ZC2HC1B: variants seen among roughly 807,000 people sequenced by gnomAD.
ZC2HC1B encodes the protein zinc finger C2HC-type containing 1B.
Under a neutral mutation model 31.0 loss-of-function variants are expected in ZC2HC1B, and 36 were observed. The observed-to-expected ratio is 1.16, with a 90% confidence interval of 0.89 to 1.54. ZC2HC1B has a LOEUF of 1.54. Ranked by LOEUF, ZC2HC1B falls within the 40% of genes most tolerant of loss-of-function variation. ZC2HC1B has a pLI of 0.00. For synonymous variants in ZC2HC1B, 73 were observed against 88.0 expected, an observed-to-expected ratio of 0.83 and a Z score of 0.95; for missense variants, 260 against 268.6, an observed-to-expected ratio of 0.97 and a Z score of 0.22.
intron 5 of ZC2HC1B, among the ~76,000 whole-genome samples, chr6:143,902,212 G>A (rs565560242): frequency 1.7e-3 from 254 of 152,278 alleles, no homozygotes; most frequent in South Asian, 0.011. Context: ...TTGTCTAATA[G>A]TGAAGCTTAT....
In ZC2HC1B at chr6:143,886,557, A is replaced by G; in HGVS notation, c.211-126A>G. ...CCTCTTTAAGGAGTACTTTTGAAAAACAAACTCTCCTTTTCCCCAATTTTC... is the reference window on the plus strand; with the variant it reads ...CCTCTTTAAGGAGTACTTTTGAAAAGCAAACTCTCCTTTTCCCCAATTTTC... On this transcript the variant is annotated intron_variant, in intron 3 of 7. Transcript: ENST00000237275. The surrounding 1 kb of genome is among the most constrained non-coding windows in gnomAD (Gnocchi z 4.2). The G allele has an allele frequency of 5.7e-6, 6 of 1,043,694 alleles. No individual in the cohort carries two copies. The highest frequency in any genetic ancestry group is 6.0e-5 in the South Asian group (2 of 33,324). The allele number at this position is 1,043,694 out of a possible 1,614,324, so 64.7% of individuals were successfully genotyped here.
rs532125742 is a variant in ZC2HC1B at position 143,906,989 on chromosome 6, T to G, written c.598+3837T>G. On this transcript the variant is annotated intron_variant, in intron 6 of 7. Coordinates refer to ENST00000237275, the MANE Select transcript of ZC2HC1B (RefSeq NM_001013623.3). ...TTGTTCTCCACTATGTGTCCATGTT[T>G]TCTCATCATCCAGCTCCCACTTATA... Among the ~76,000 whole-genome samples, 4 of 152,288 alleles carry G rather than the reference T, an allele frequency of 2.6e-5. No individual in the cohort carries two copies. The South Asian group carries it at 8.3e-4, about 32-fold the overall frequency.
At chr6:143,910,270 G>A (rs1206421972) in intron 6 of ZC2HC1B, among the ~76,000 whole-genome samples, 1 of 152,134 alleles carries the variant, frequency 6.6e-6, no homozygotes, top group Non-Finnish European at 1.5e-5. Context: ...TGTGATGTGT[G>A]TTTTTGAGTG....
rs1778003321 is a variant in ZC2HC1B at position 143,923,446 on chromosome 6, T to G, written c.599-14203T>G. Among the ~76,000 whole-genome samples, 1 of 152,164 alleles carries G rather than the reference T, an allele frequency of 6.6e-6. No homozygotes were observed. The highest frequency in any genetic ancestry group is 2.4e-5 in the African/African-American group (1 of 41,442). ...ATTGCTTCCTTTGCTGCATAGAAGC[T>G]TTTTAGTTTATATAGTCCCATTTGT... is the stretch of plus-strand genomic sequence containing the variant. On this transcript the variant is annotated intron_variant, in intron 6 of 7. Coordinates refer to ENST00000237275, the MANE Select transcript of ZC2HC1B (RefSeq NM_001013623.3). The surrounding 1 kb of genome is among the most constrained non-coding windows in gnomAD (Gnocchi z 4.8).
rs577383917 is a variant in ZC2HC1B, at chr6:143,933,133, C to T, written c.599-4516C>T. 6.9e-4 allele frequency among the ~76,000 whole-genome samples: 105 copies of T among 152,294 alleles called. No homozygotes were observed. Among genetic ancestry groups the T allele is most frequent in the African/African-American group, 2.3e-3 (97 of 41,552 alleles). On this transcript the variant is annotated intron_variant, in intron 6 of 7. Transcript: ENST00000237275. The surrounding 1 kb of genome is among the most constrained non-coding windows in gnomAD (Gnocchi z 6.4). ...TCTTGAATGCTGGTTATGCTAGCAG[C>T]GAAGTTGTCATGTGGACAGACTCGG...
chr6:143,864,570 G>C lies in ZC2HC1B; in HGVS notation c.28+3G>C, dbSNP rs1464989635. On this transcript the variant is annotated splice_donor_region_variant and intron_variant, in intron 1 of 7. Coordinates refer to ENST00000237275, the MANE Select transcript of ZC2HC1B (RefSeq NM_001013623.3). ...TGGGGCAGAACCATTTTTGGCAGGTGAGCTGCACTTGATATCTAAATTATT... is the reference window on the plus strand; with the variant it reads ...TGGGGCAGAACCATTTTTGGCAGGTCAGCTGCACTTGATATCTAAATTATT... 1 of 1,551,560 alleles carries C rather than the reference G, an allele frequency of 6.4e-7. No homozygotes were observed. The highest frequency in any genetic ancestry group is 2.4e-5 in the East Asian group (1 of 40,908).
Position 143,921,282 on chromosome 6 carries a change from T to C in ZC2HC1B, c.599-16367T>C, listed in dbSNP as rs551896035. 6.6e-6 allele frequency among the ~76,000 whole-genome samples: 1 copy of C among 152,342 alleles called. No homozygotes were observed. The highest frequency in any genetic ancestry group is 1.9e-4 in the East Asian group (1 of 5,182). On this transcript the variant is annotated intron_variant, in intron 6 of 7. Transcript: ENST00000237275. This position sits in a 1 kb window ranked among gnomAD's most constrained non-coding sequence, Gnocchi z 6.1. ...CCTTTGTAATTATTTCCACATAGCA[T>C]TTATCACCATCTAATATTCAATATA...
chr6:143,917,846 T>C lies in ZC2HC1B; in HGVS notation c.598+14694T>C, dbSNP rs1777936447. ...TACATTTGGTCTCTTAAATTATGTA[T>C]AAAACAAAACGTGGAGTTACAAACC... On this transcript the variant is annotated intron_variant, in intron 6 of 7. Coordinates refer to ENST00000237275, the MANE Select transcript of ZC2HC1B (RefSeq NM_001013623.3). The surrounding 1 kb of genome is among the most constrained non-coding windows in gnomAD (Gnocchi z 4.1). Among the ~76,000 whole-genome samples, 1 of 152,222 alleles carries C rather than the reference T, an allele frequency of 6.6e-6. No individual in the cohort carries two copies. The highest frequency in any genetic ancestry group is 2.1e-4 in the South Asian group (1 of 4,834).
rs545467491 is a variant in ZC2HC1B, at chr6:143,889,496, A to T, written c.349+2675A>T. Reference sequence around the variant, plus strand: ...GACACAAATAAGAGCACGGGAAAAGATATACATGCAGACAATAATCATAAA... The same window carrying T: ...GACACAAATAAGAGCACGGGAAAAGTTATACATGCAGACAATAATCATAAA... On this transcript the variant is annotated intron_variant, in intron 4 of 7. Coordinates refer to ENST00000237275, the MANE Select transcript of ZC2HC1B (RefSeq NM_001013623.3). 9.9e-5 allele frequency among the ~76,000 whole-genome samples: 15 copies of T among 152,092 alleles called. No individual in the cohort carries two copies. In the South Asian group the frequency reaches 3.1e-3, roughly 32 times the overall value.
At position 143,884,433 on chromosome 6, in the gene ZC2HC1B, G is replaced by A; in HGVS notation, c.90+68G>A. 7.0e-7 allele frequency: 1 copy of A among 1,421,780 alleles called. No homozygotes were observed. The highest frequency in any genetic ancestry group is 9.6e-7 in the Non-Finnish European group (1 of 1,045,000). 88.1% of individuals were successfully genotyped at this position (1,421,780 alleles called of 1,614,324 possible). On this transcript the variant is annotated intron_variant, in intron 2 of 7. Coordinates refer to ENST00000237275, the MANE Select transcript of ZC2HC1B (RefSeq NM_001013623.3). This position sits in a 1 kb window ranked among gnomAD's most constrained non-coding sequence, Gnocchi z 5.1. The stretch of plus-strand genomic sequence containing the variant: ...AATGAACTGTCAAGTCAGTGAGGAG[G>A]CGGCAGTGCAAAGATTAAAGACAGA...
chr6:143,873,078 C>G (rs1019913635), intron 1 of ZC2HC1B, among the ~76,000 whole-genome samples: 5 of 152,142 alleles, frequency 3.3e-5, no homozygotes, highest in African/African-American at 1.2e-4. Context: ...AAATCAAAAG[C>G]AAGCTAGTTA....
At chr6:143,888,727 A>G (rs1777562455) in intron 4 of ZC2HC1B, among the ~76,000 whole-genome samples, 1 of 151,944 alleles carries the variant, frequency 6.6e-6, no homozygotes, top group African/African-American at 2.4e-5. Context: ...GGATCTTTGT[A>G]TGTTGACTTT....
chr6:143,937,844 T>C (rs1003487486), intron 7 of ZC2HC1B, 111 bp downstream of exon 7: 7 of 732,114 alleles, frequency 9.6e-6, no homozygotes, highest in African/African-American at 1.8e-5. Flanking sequence ...AACTCCAAGT[T>C]GGGTTAACAA....
chr6:143,906,927 C>T (rs1777802132), intron 6 of ZC2HC1B, among the ~76,000 whole-genome samples: 2 of 152,150 alleles, frequency 1.3e-5, no homozygotes, highest in African/African-American at 2.4e-5. Flanking sequence ...CATGCTCTCC[C>T]TCCTTCCCCC....
rs1215651845 is a variant in ZC2HC1B, at chr6:143,871,248, A to T, written c.28+6681A>T. 6.6e-6 allele frequency among the ~76,000 whole-genome samples: 1 copy of T among 152,210 alleles called. No homozygotes were observed. The highest frequency in any genetic ancestry group is 1.5e-5 in the Non-Finnish European group (1 of 68,028). ...CTTGCTCACTGGATCCAGTCAGCAT[A>T]ATGTCATCAATGTAATGGACCAGTG... On this transcript the variant is annotated intron_variant, in intron 1 of 7. Transcript: ENST00000237275. The surrounding 1 kb of genome is among the most constrained non-coding windows in gnomAD (Gnocchi z 4.1).
Position 143,872,200 on chromosome 6 carries a change from C to T in ZC2HC1B, c.28+7633C>T, listed in dbSNP as rs922926713. Reference sequence around the variant, plus strand: ...AAGGGGACCCGGCCTCCCCTTCATTCAAGCAGCTCTGGGTTCGTAAACTGG... The same window carrying T: ...AAGGGGACCCGGCCTCCCCTTCATTTAAGCAGCTCTGGGTTCGTAAACTGG... On this transcript the variant is annotated intron_variant, in intron 1 of 7. Transcript: ENST00000237275. The surrounding 1 kb of genome is among the most constrained non-coding windows in gnomAD (Gnocchi z 5.5). Among the ~76,000 whole-genome samples, 9 of 152,174 alleles carry T rather than the reference C, an allele frequency of 5.9e-5. No individual in the cohort carries two copies. Among genetic ancestry groups the T allele is most frequent in the Non-Finnish European group, 1.3e-4 (9 of 68,024 alleles).
rs1777942312 is a variant in ZC2HC1B, at chr6:143,918,449, G to T, written c.598+15297G>T. Among the ~76,000 whole-genome samples the T allele has an allele frequency of 6.6e-6, 1 of 151,886 alleles. No individual in the cohort carries two copies. The highest frequency in any genetic ancestry group is 6.6e-5 in the Admixed American group (1 of 15,266). On this transcript the variant is annotated intron_variant, in intron 6 of 7. Transcript: ENST00000237275. The surrounding 1 kb of genome is among the most constrained non-coding windows in gnomAD (Gnocchi z 4.1). The stretch of plus-strand genomic sequence containing the variant: ...TCTGCTGATCTTATTGAACATTCCT[G>T]GTTTGTGACAGGTCATTTTTTTTCT...
intron 6 of ZC2HC1B, among the ~76,000 whole-genome samples, chr6:143,935,703 A>G (rs1450304489): frequency 8.9e-6 from 1 of 112,946 alleles, no homozygotes; most frequent in Non-Finnish European, 1.6e-5. Context: ...CGCCCAGGCT[A>G]TAGTGCAGTA....
intron 4 of ZC2HC1B, among the ~76,000 whole-genome samples, chr6:143,892,796 A>G (rs1224082475): frequency 6.6e-6 from 1 of 152,210 alleles, no homozygotes; most frequent in African/African-American, 2.4e-5. Context: ...TATATCAACC[A>G]TATATAAAAA....
Sources: allele counts gnomAD v4.1 joint callset (sites outside exome capture counted in the v4.1 genomes callset), GRCh38; gene constraint gnomAD v4.1.1; non-coding constraint Gnocchi (gnomAD v3.1); transcripts MANE v1.5; gene names NCBI Gene and HGNC (gene_info 2026-07-23, HGNC 2026-07-21).